PC: variants seen among roughly 807,000 people sequenced by gnomAD.
PC encodes pyruvate carboxylase, mitochondrial.
A neutral mutation model predicts 107.8 loss-of-function variants in PC; 46 were observed. The ratio of observed to expected loss-of-function variants is 0.43; its 90% CI spans 0.34 to 0.55. The LOEUF is 0.55. PC is among the 20% of genes least tolerant of loss of function. PC has a pLI of 0.04. For missense variants in PC, 1,241 were observed against 1,643.1 expected, an observed-to-expected ratio of 0.76 and a Z score of 4.23; for synonymous variants, 662 against 684.7, an observed-to-expected ratio of 0.97 and a Z score of 0.52.
rs1555039097 is a variant in PC, at chr11:66,903,773, A to AATAT, written c.1-31618_1-31615dup. Among the ~76,000 whole-genome samples, 167 of 62,488 alleles carry AATAT rather than the reference A, an allele frequency of 2.7e-3. 5 individuals carry two copies. The highest frequency in any genetic ancestry group is 0.014 in the East Asian group (24 of 1,672). The allele number at this position is 62,488 out of a possible 152,430, so 41.0% of individuals were successfully genotyped here. On this transcript the variant is annotated intron_variant, in intron 3 of 22. Transcript: ENST00000393960. The stretch of plus-strand genomic sequence containing the variant: ...TCAGGAAAAAAAAAAAAAAAAAAAA[A>AATAT]ATATATATATATATATATACACACA...
chr11:66,911,772 C>T (rs540864882), intron 3 of PC, among the ~76,000 whole-genome samples: 1 of 152,244 alleles, frequency 6.6e-6, no homozygotes, highest in East Asian at 1.9e-4. Context: ...GCGGCTCACA[C>T]CTGTAATCCC....
intron 10 of PC, among the ~76,000 whole-genome samples, chr11:66,867,975 G>A (rs1053183606): frequency 9.9e-5 from 15 of 152,246 alleles, no homozygotes; most frequent in Admixed American, 3.3e-4. Flanking sequence ...CCAAAGCAGC[G>A]TCAAGAAATT....
chr11:66,949,138 G>A (rs1005842410), intron 3 of PC, among the ~76,000 whole-genome samples: 4 of 151,002 alleles, frequency 2.6e-5, no homozygotes, highest in East Asian at 2.0e-4. Context: ...GATTACAGGC[G>A]CGTGACCACC....
chr11:66,873,455 A>ATT (rs1946833774), intron 3 of PC, among the ~76,000 whole-genome samples: 2 of 81,754 alleles, frequency 2.4e-5, no homozygotes, highest in South Asian at 2.6e-4. Flanking sequence ...TTATATATAA[A>ATT]ATATATATTA....
chr11:66,902,423 A>G (rs1330659743), intron 3 of PC, among the ~76,000 whole-genome samples: 1 of 152,140 alleles, frequency 6.6e-6, no homozygotes, highest in African/African-American at 2.4e-5. Flanking sequence ...CTCAATCATC[A>G]GAGGGCTTGT....
Position 66,858,651 on chromosome 11 carries a change from C to T in PC, c.1368+5123G>A, listed in dbSNP as rs979342953. ...AGGCCAGCGGGCCACGCTGCGGTGC[C>T]GGGCCCTGGGTGACCCCGCGCCTAC... On this transcript the variant is annotated intron_variant, in intron 12 of 22. Coordinates refer to ENST00000393960, the MANE Select transcript of PC (RefSeq NM_001040716.2). The surrounding 1 kb of genome is among the most constrained non-coding windows in gnomAD (Gnocchi z 5.9). 8 of 1,541,088 alleles carry T rather than the reference C, an allele frequency of 5.2e-6. No individual in the cohort carries two copies. Among genetic ancestry groups the T allele is most frequent in the South Asian group, 2.4e-5 (2 of 83,988 alleles).
chr11:66,924,203 G>GA (rs538266818), intron 3 of PC, among the ~76,000 whole-genome samples: 288 of 82,866 alleles, frequency 3.5e-3, no homozygotes, highest in Middle Eastern at 7.8e-3. Context: ...CTCTATCTCA[G>GA]AAAAAAAAAA....
intron 3 of PC, among the ~76,000 whole-genome samples, chr11:66,889,863 T>C (rs1026958868): frequency 6.6e-6 from 1 of 152,146 alleles, no homozygotes; most frequent in African/African-American, 2.4e-5. Context: ...TGGATATTTG[T>C]GTGCCCATAA....
intron 3 of PC, among the ~76,000 whole-genome samples, chr11:66,918,167 T>C (rs1272207444): frequency 6.6e-6 from 1 of 152,160 alleles, no homozygotes; most frequent in South Asian, 2.1e-4. Flanking sequence ...CCTCTTTCCA[T>C]TCCCAAGTCC....
At chr11:66,935,755 A>G (rs981669159) in intron 3 of PC, among the ~76,000 whole-genome samples, 1 of 152,180 alleles carries the variant, frequency 6.6e-6, no homozygotes, top group African/African-American at 2.4e-5. Context: ...CATAAGCAGC[A>G]AAACCACAAC....
At chr11:66,900,813 A>C (rs528678522) in intron 3 of PC, among the ~76,000 whole-genome samples, 2 of 152,282 alleles carry the variant, frequency 1.3e-5, no homozygotes, top group East Asian at 3.9e-4. Context: ...ACTGAAATAC[A>C]ATTGATTTTG....
At chr11:66,907,669 C>T (rs1031292661) in intron 3 of PC, among the ~76,000 whole-genome samples, 1 of 152,208 alleles carries the variant, frequency 6.6e-6, no homozygotes, top group African/African-American at 2.4e-5. Context: ...GATTCCTGTT[C>T]TCTAAGGACT....
At chr11:66,869,596 TG>T (rs1946641727) in intron 9 of PC, among the ~76,000 whole-genome samples, 1 of 152,194 alleles carries the variant, frequency 6.6e-6, no homozygotes, top group African/African-American at 2.4e-5. Flanking sequence ...AACGCGACCC[TG>T]GTCGATGCCT....
Position 66,849,055 on chromosome 11 carries a change from T to G in PC, c.3381A>C (p.Ala1127=), listed in dbSNP as rs753363996. 6 of 1,614,120 alleles carry G rather than the reference T, an allele frequency of 3.7e-6. No individual in the cohort carries two copies. The highest frequency in any genetic ancestry group is 1.1e-5 in the South Asian group (1 of 91,092). The change falls in exon 23 of 23, where the codon GCA becomes GCC. Residue 1127 remains alanine (A), a synonymous_variant. Transcript: ENST00000393960. ...PGKVIDIKVV[A]GAKVAKGQPL... ...GCTGGCCCTTGGCCACCTTGGCCCC[T>G]GCCACCACTTTGATGTCTATCACCT...
In PC at chr11:66,870,237, C is replaced by G. The variant is rs1439070084; in HGVS notation, c.903+65G>C. On this transcript the variant is annotated intron_variant, in intron 9 of 22. Transcript: ENST00000393960. This position sits in a 1 kb window ranked among gnomAD's most constrained non-coding sequence, Gnocchi z 6.1. Reference sequence around the variant, plus strand: ...GGGTCCCCTTCCCCAACCAGCGCCCCACTGTGAGGCCTGCCGGCCTGTGAG... The same window carrying G: ...GGGTCCCCTTCCCCAACCAGCGCCCGACTGTGAGGCCTGCCGGCCTGTGAG... The G allele has an allele frequency of 6.3e-7, 1 of 1,596,922 alleles. No individual in the cohort carries two copies. The highest frequency in any genetic ancestry group is 1.3e-5 in the African/African-American group (1 of 74,684).
chr11:66,950,830 T>A (rs1949417139), intron 3 of PC, among the ~76,000 whole-genome samples: 1 of 152,030 alleles, frequency 6.6e-6, no homozygotes, highest in Admixed American at 6.6e-5. Flanking sequence ...ATAAGACAAG[T>A]GGTTTGGGGG....
At chr11:66,868,783 G>C in intron 10 of PC, 63 bp downstream of exon 10, 1 of 1,336,606 alleles carries the variant, frequency 7.5e-7, no homozygotes, top group African/African-American at 1.4e-5. Flanking sequence ...GAGCCACTTC[G>C]CCTGTACTTT....
intron 12 of PC, among the ~76,000 whole-genome samples, chr11:66,862,236 A>G (rs1316421672): frequency 1.3e-5 from 2 of 152,184 alleles, no homozygotes; most frequent in African/African-American, 4.8e-5. Flanking sequence ...GACCCCCAAC[A>G]GGGAGGCTGA....
At chr11:66,909,675 C>T (rs980213250) in intron 3 of PC, among the ~76,000 whole-genome samples, 1 of 152,138 alleles carries the variant, frequency 6.6e-6, no homozygotes, top group African/African-American at 2.4e-5. Flanking sequence ...GCACTAGACA[C>T]GTAAACAAAG....
Sources: allele counts gnomAD v4.1 joint callset (sites outside exome capture counted in the v4.1 genomes callset), GRCh38; gene constraint gnomAD v4.1.1; non-coding constraint Gnocchi (gnomAD v3.1); transcripts MANE v1.5; gene names NCBI Gene and HGNC (gene_info 2026-07-23, HGNC 2026-07-21).